The following JAM2 variants were observed in gnomAD, a reference collection of about 807,000 sequenced individuals.
JAM2 encodes junctional adhesion molecule 2.
JAM2 carries 17 observed loss-of-function variants against 42.0 expected under a neutral mutation model. That is an observed-to-expected ratio of 0.40 (90% CI 0.28 to 0.61). The LOEUF is 0.61. JAM2 is among the 20% of genes least tolerant of loss of function. The pLI, the probability that JAM2 is intolerant of heterozygous loss-of-function variation, is 0.37. For missense variants in JAM2, 319 were observed against 358.3 expected (o/e 0.89, Z 0.89); for synonymous variants, 118 against 128.6 (o/e 0.92, Z 0.56).
intron 1 of JAM2, among the ~76,000 whole-genome samples, chr21:25,645,461 G>A (rs907348328): frequency 6.6e-6 from 1 of 152,136 alleles, no homozygotes; most frequent in Non-Finnish European, 1.5e-5. Context: ...ATTTTAAAGA[G>A]AATGCATTGG....
chr21:25,648,210 CA>C (rs59902984), intron 1 of JAM2, among the ~76,000 whole-genome samples: 25,930 of 147,104 alleles, frequency 0.18, 2,522 homozygotes, highest in East Asian at 0.4. Flanking sequence ...GATTCTGTCT[CA>C]AAAAAAAAAA....
At chr21:25,646,473 G>A (rs1201330275) in intron 1 of JAM2, among the ~76,000 whole-genome samples, 1 of 152,042 alleles carries the variant, frequency 6.6e-6, no homozygotes, top group Non-Finnish European at 1.5e-5. Context: ...TCCCTGAGTT[G>A]TCACCCTTAG....
At position 25,714,563 on chromosome 21, in the gene JAM2, G is replaced by T. The variant is rs563371480; in HGVS notation, c.865-77G>T. On this transcript the variant is annotated intron_variant, in intron 9 of 9. Coordinates refer to ENST00000480456, the MANE Select transcript of JAM2 (RefSeq NM_021219.4). ...CTGTAGAATTCTTACAATAAATATA[G>T]CTTGATATTCATAAGATTTATGTTT... 1.9e-4 allele frequency: 171 copies of T among 908,404 alleles called. 1 individual carries two copies. The Middle Eastern group carries it at 2.2e-3, about 12-fold the overall frequency. 56.3% of individuals were successfully genotyped at this position (908,404 alleles called of 1,614,324 possible). A position where few individuals can be genotyped will look rare whatever the true frequency, so the allele number is the denominator to read the frequency against.
intron 1 of JAM2, among the ~76,000 whole-genome samples, chr21:25,663,692 GGACTCTTCA>G (rs2033147452): frequency 6.6e-6 from 1 of 152,038 alleles, no homozygotes; most frequent in Admixed American, 6.6e-5. Context: ...TACCACCTAG[GGACTCTTCA>G]GAGAGTCCCC....
chr21:25,688,495 TAATC>T (rs1227092359), intron 2 of JAM2, among the ~76,000 whole-genome samples: 1 of 152,224 alleles, frequency 6.6e-6, no homozygotes, highest in African/African-American at 2.4e-5. Flanking sequence ...CCATTCTCCT[TAATC>T]AACAGAAAAG....
intron 3 of JAM2, among the ~76,000 whole-genome samples, chr21:25,690,498 A>T (rs898320099): frequency 6.6e-6 from 1 of 151,952 alleles, no homozygotes; most frequent in African/African-American, 2.4e-5. Flanking sequence ...CAGCTAATTT[A>T]ATTTTATTTA....
chr21:25,676,986 A>C (rs1373584316), intron 1 of JAM2, among the ~76,000 whole-genome samples: 3 of 152,178 alleles, frequency 2.0e-5, no homozygotes, highest in Non-Finnish European at 4.4e-5. Flanking sequence ...GTGACCATAC[A>C]TTTTAAATAT....
At chr21:25,640,422 T>G (rs1324741457) in intron 1 of JAM2, among the ~76,000 whole-genome samples, 1 of 152,206 alleles carries the variant, frequency 6.6e-6, no homozygotes, top group Non-Finnish European at 1.5e-5. Context: ...CCAGAATTAC[T>G]TTTATCCTCT....
At chr21:25,710,784 A>G (rs973822198) in intron 8 of JAM2, among the ~76,000 whole-genome samples, 1 of 152,218 alleles carries the variant, frequency 6.6e-6, no homozygotes, top group African/African-American at 2.4e-5. Flanking sequence ...AGTAAGATAG[A>G]AAGTCACTGG....
intron 1 of JAM2, among the ~76,000 whole-genome samples, chr21:25,681,996 AAG>A (rs1260336720): frequency 6.6e-6 from 1 of 152,212 alleles, no homozygotes; most frequent in Non-Finnish European, 1.5e-5. Context: ...AAAAGAAAAA[AAG>A]AATTGCTTGC....
intron 1 of JAM2, chr21:25,644,086 A>G (rs2032530263): frequency 6.6e-6 from 1 of 152,242 alleles, no homozygotes; most frequent in African/African-American, 2.4e-5. Flanking sequence ...GTTTTGAGGA[A>G]GATGGTGGTG....
intron 1 of JAM2, among the ~76,000 whole-genome samples, chr21:25,650,446 T>C (rs1181347829): frequency 6.6e-6 from 1 of 152,186 alleles, no homozygotes; most frequent in Non-Finnish European, 1.5e-5. Flanking sequence ...ATCAGATACA[T>C]GTAAGAATCT....
intron 1 of JAM2, among the ~76,000 whole-genome samples, chr21:25,651,499 T>C (rs2032780952): frequency 1.3e-5 from 2 of 152,208 alleles, no homozygotes; most frequent in Admixed American, 6.5e-5. Context: ...TGTGAGATGA[T>C]ACAACTGCTA....
intron 1 of JAM2, among the ~76,000 whole-genome samples, chr21:25,660,747 G>T: frequency 3.8e-5 from 4 of 103,930 alleles, no homozygotes; most frequent in East Asian, 3.3e-4. Context: ...GTATTCTAAT[G>T]CTCACAATAA....
chr21:25,706,165 G>C, intron 7 of JAM2, 79 bp downstream of exon 7: 4 of 958,138 alleles, frequency 4.2e-6, no homozygotes, highest in Non-Finnish European at 5.0e-6. Context: ...TTTCTCCTAG[G>C]AAGTTGTTTT....
At chr21:25,695,235 G>A (rs2033977524) in intron 4 of JAM2, among the ~76,000 whole-genome samples, 1 of 152,140 alleles carries the variant, frequency 6.6e-6, no homozygotes, top group Non-Finnish European at 1.5e-5. Flanking sequence ...ATCTTGCACC[G>A]CCCTTAATCC....
chr21:25,646,103 G>A (rs780362553), intron 1 of JAM2, among the ~76,000 whole-genome samples: 7 of 152,158 alleles, frequency 4.6e-5, no homozygotes, highest in Admixed American at 6.5e-5. Flanking sequence ...TAAAGTTCTT[G>A]TGTTACAGCA....
At chr21:25,697,073 G>A (rs181525756) in intron 4 of JAM2, among the ~76,000 whole-genome samples, 17 of 143,942 alleles carry the variant, frequency 1.2e-4, no homozygotes, top group African/African-American at 3.4e-4. Context: ...TCAAACTCCC[G>A]TCCTCAAGAG....
At chr21:25,699,722 C>CAAAAAAAAAAAAAAAAAAAAAAAAAA (rs59490509) in intron 5 of JAM2, among the ~76,000 whole-genome samples, 1 of 41,922 alleles carries the variant, frequency 2.4e-5, no homozygotes, top group Non-Finnish European at 4.6e-5. Context: ...GGCTCCGTCT[C>CAAAAAAAAAAAAAAAAAAAAAAAAAA]AAAAAAAAAA....
Sources: allele counts gnomAD v4.1 joint callset (sites outside exome capture counted in the v4.1 genomes callset), GRCh38; gene constraint gnomAD v4.1.1; transcripts MANE v1.5; gene names NCBI Gene and HGNC (gene_info 2026-07-23, HGNC 2026-07-21).